BORCS5: variants seen among roughly 807,000 people sequenced by gnomAD.
BORCS5 encodes the protein BLOC-1 related complex subunit 5.
In BORCS5, 17 loss-of-function variants were observed where a neutral mutation model predicts 22.1. The observed-to-expected ratio is 0.77, with a 90% CI of 0.53 to 1.15. BORCS5 has a LOEUF of 1.15. Ranked by LOEUF, BORCS5 falls within the 50% of genes most tolerant of loss-of-function variation. BORCS5 has a pLI of 0.00. For synonymous variants in BORCS5, 117 were observed against 99.8 expected, an observed-to-expected ratio of 1.17 and a Z score of -1.03; for missense variants, 247 against 253.2, an observed-to-expected ratio of 0.98 and a Z score of 0.17.
In BORCS5 at chr12:12,362,479, A is replaced by G. The variant is rs547829611; in HGVS notation, c.202+1130A>G. On this transcript the variant is annotated intron_variant, in intron 2 of 3. Transcript: ENST00000314565. ...TGCACAACATGCAGGTTTGTTACAT[A>G]TGTATACATATGCTATGTTGGTGTG... Among the ~76,000 whole-genome samples the G allele has an allele frequency of 1.3e-4, 20 of 152,244 alleles. No individual in the cohort carries two copies. The South Asian group carries it at 4.1e-3, about 32-fold the overall frequency.
At position 12,357,177 on chromosome 12, in the gene BORCS5, C is replaced by A. The variant is rs184467411; in HGVS notation, c.-275C>A. ...GTGCGGCAAAGCCAGTGTCATCTGC[C>A]GGTTCTCTTAGGGCTCCCGGAAAGA... On this transcript the variant is annotated 5_prime_UTR_variant, in exon 1 of 4. Transcript: ENST00000314565. 5.3e-4 allele frequency: 816 copies of A among 1,526,068 alleles called. 3 individuals carry two copies. The African/African-American group carries it at 7.1e-3, about 13-fold the overall frequency. The allele number at this position is 1,526,068 out of a possible 1,614,324, so 94.5% of individuals were successfully genotyped here.
Position 12,467,629 on chromosome 12 carries a change from T to A in BORCS5, c.*1853T>A, listed in dbSNP as rs1373400275. On this transcript the variant is annotated 3_prime_UTR_variant, in exon 4 of 4. Transcript: ENST00000314565. ...GAAGAACAATAGGCAAATTCAATAC[T>A]CCCGGAAAGAATTCTAGTTAGTTTA... 4 of 152,210 alleles carry A rather than the reference T, an allele frequency of 2.6e-5. No individual in the cohort carries two copies. Among genetic ancestry groups the A allele is most frequent in the Non-Finnish European group, 5.9e-5 (4 of 68,046 alleles). The allele number at this position is 152,210 out of a possible 1,614,324, so 9.4% of individuals were successfully genotyped here.
chr12:12,369,662 T>C (rs1394233589), intron 2 of BORCS5, among the ~76,000 whole-genome samples: 1 of 150,572 alleles, frequency 6.6e-6, no homozygotes, highest in South Asian at 2.1e-4. Flanking sequence ...TATCACTTCA[T>C]GTAAAATGTA....
chr12:12,405,064 G>T (rs1941563593), intron 2 of BORCS5, among the ~76,000 whole-genome samples: 1 of 152,170 alleles, frequency 6.6e-6, no homozygotes, highest in African/African-American at 2.4e-5. Context: ...GGACCTTACT[G>T]AGTAACTGGG....
At chr12:12,416,819 T>G (rs982099569) in intron 2 of BORCS5, among the ~76,000 whole-genome samples, 3 of 149,984 alleles carry the variant, frequency 2.0e-5, no homozygotes, top group South Asian at 4.2e-4. Context: ...TCTTGCTTTG[T>G]TGCCCAGGCT....
intron 2 of BORCS5, among the ~76,000 whole-genome samples, chr12:12,399,912 T>G (rs1010246947): frequency 6.6e-6 from 1 of 152,346 alleles, no homozygotes; most frequent in East Asian, 1.9e-4. Flanking sequence ...CTGGACTTTC[T>G]GAAAATAACA....
Position 12,361,253 on chromosome 12 carries a change from G to A in BORCS5, c.106G>A (p.Val36Ile). The part of the protein sequence containing the change: ...KHRAKMDDIV[V>I]VAQGSQASRN... Reference sequence around the variant, plus strand: ...TAGAGCCAAGATGGATGATATTGTGGTTGTAGCTCAGGGCTCCCAGGCCTC... The same window carrying A: ...TAGAGCCAAGATGGATGATATTGTGATTGTAGCTCAGGGCTCCCAGGCCTC... The change falls in exon 2 of 4, where the codon GTT becomes ATT. Residue 36 changes from valine to isoleucine, a missense_variant. Val to Ile is a conservative substitution (Grantham distance 29). Transcript: ENST00000314565. 6.2e-7 allele frequency: 1 copy of A among 1,614,166 alleles called. No individual in the cohort carries two copies. The highest frequency in any genetic ancestry group is 8.5e-7 in the Non-Finnish European group (1 of 1,180,030).
intron 3 of BORCS5, among the ~76,000 whole-genome samples, chr12:12,462,086 A>G (rs141367798): frequency 6.0e-4 from 91 of 152,314 alleles, no homozygotes; most frequent in African/African-American, 2.0e-3. Flanking sequence ...TTGGTTCTCA[A>G]TATCTATCCT....
intron 2 of BORCS5, among the ~76,000 whole-genome samples, chr12:12,409,380 C>T (rs1446598646): frequency 6.7e-6 from 1 of 149,764 alleles, no homozygotes; most frequent in East Asian, 1.9e-4. Context: ...CCTCCCCCCA[C>T]CCCACAACAG....
chr12:12,445,594 A>G (rs1256277763), intron 3 of BORCS5, among the ~76,000 whole-genome samples: 1 of 120,578 alleles, frequency 8.3e-6, no homozygotes, highest in East Asian at 2.4e-4. Flanking sequence ...ATTCTGAGCC[A>G]GTGGGTCTGG....
intron 2 of BORCS5, among the ~76,000 whole-genome samples, chr12:12,379,248 G>A (rs1863724505): frequency 6.6e-6 from 1 of 150,492 alleles, no homozygotes; most frequent in Admixed American, 6.6e-5. Context: ...AGCCTCCTGA[G>A]TAGCTGGGAC....
intron 2 of BORCS5, among the ~76,000 whole-genome samples, chr12:12,400,993 A>G (rs933457399): frequency 6.6e-6 from 1 of 152,060 alleles, no homozygotes. Context: ...TATATGTCTC[A>G]CTTATTTTCA....
Position 12,435,661 on chromosome 12 carries a change from C to A in BORCS5, c.236C>A (p.Ala79Asp), listed in dbSNP as rs966407890. 7 of 1,613,684 alleles carry A rather than the reference C, an allele frequency of 4.3e-6. No homozygotes were observed. The highest frequency in any genetic ancestry group is 1.7e-5 in the Admixed American group (1 of 59,934). Residue 79 changes from alanine (A) to aspartate (D), a missense_variant, in exon 3 of 4, where the codon GCC becomes GAC. By Grantham distance (126) the Ala-to-Asp change is moderately radical. Transcript: ENST00000314565. ...LLSGQTSPTN[A>D]KLEKLDSQQV... Reference sequence around the variant, plus strand: ...AGTGGCCAGACTTCCCCAACAAATGCCAAATTGGAGAAACTGGACTCTCAG... The same window carrying A: ...AGTGGCCAGACTTCCCCAACAAATGACAAATTGGAGAAACTGGACTCTCAG...
rs1045528791 is a variant in BORCS5, at chr12:12,468,542, T to C, written c.*2766T>C. The C allele has an allele frequency of 1.3e-5, 2 of 152,266 alleles. No homozygotes were observed. Among genetic ancestry groups the C allele is most frequent in the Non-Finnish European group, 2.9e-5 (2 of 68,062 alleles). 9.4% of individuals were successfully genotyped at this position (152,266 alleles called of 1,614,324 possible). A position where few individuals can be genotyped will look rare whatever the true frequency, so the allele number is the denominator to read the frequency against. On this transcript the variant is annotated 3_prime_UTR_variant, in exon 4 of 4. Coordinates refer to ENST00000314565, the MANE Select transcript of BORCS5 (RefSeq NM_058169.6). Reference sequence around the variant, plus strand: ...GGTCTGGGTGGGCTCTCAAGCCCCTTTCAGCTCTAAGATTCCAAGTCTGTG... The same window carrying C: ...GGTCTGGGTGGGCTCTCAAGCCCCTCTCAGCTCTAAGATTCCAAGTCTGTG...
chr12:12,462,344 T>G (rs1035634700), intron 3 of BORCS5, among the ~76,000 whole-genome samples: 9 of 152,336 alleles, frequency 5.9e-5, no homozygotes, highest in Middle Eastern at 3.4e-3. Context: ...CAACAAATAT[T>G]TATTCAGGAC....
rs1470645575 is a variant in BORCS5 at position 12,467,360 on chromosome 12, A to C, written c.*1584A>C. 2.6e-5 allele frequency: 4 copies of C among 152,284 alleles called. No individual in the cohort carries two copies. Among genetic ancestry groups the C allele is most frequent in the Non-Finnish European group, 5.9e-5 (4 of 68,070 alleles). The allele number at this position is 152,284 out of a possible 1,614,324, so 9.4% of individuals were successfully genotyped here. A position where few individuals can be genotyped will look rare whatever the true frequency, so the allele number is the denominator to read the frequency against. On this transcript the variant is annotated 3_prime_UTR_variant, in exon 4 of 4. Transcript: ENST00000314565. Reference sequence around the variant, plus strand: ...TAATACAGGTGACACATGAAAGCACAGAGTGGGTGGCAGTTCAAGCCTGCG... The same window carrying C: ...TAATACAGGTGACACATGAAAGCACCGAGTGGGTGGCAGTTCAAGCCTGCG...
intron 2 of BORCS5, among the ~76,000 whole-genome samples, chr12:12,373,016 C>G (rs1428301751): frequency 6.6e-6 from 1 of 152,132 alleles, no homozygotes; most frequent in African/African-American, 2.4e-5. Flanking sequence ...TGTCTCCCCC[C>G]AATTCACAGG....
At chr12:12,433,555 C>T (rs540727613) in intron 2 of BORCS5, among the ~76,000 whole-genome samples, 1 of 152,096 alleles carries the variant, frequency 6.6e-6, no homozygotes, top group African/African-American at 2.4e-5. Context: ...GATATTGTAC[C>T]ATAGTTTTAC....
chr12:12,444,328 TTCTGGTTAGCAGG>T (rs1942741652), intron 3 of BORCS5, among the ~76,000 whole-genome samples: 1 of 152,200 alleles, frequency 6.6e-6, no homozygotes, highest in African/African-American at 2.4e-5. Flanking sequence ...AGGTGGGTGT[TTCTGGTTAGCAGG>T]TGACTCTCCT....
Sources: allele counts gnomAD v4.1 joint callset (sites outside exome capture counted in the v4.1 genomes callset), GRCh38; gene constraint gnomAD v4.1.1; transcripts MANE v1.5; gene names NCBI Gene and HGNC (gene_info 2026-07-23, HGNC 2026-07-21).